Variants in SLC12A5 observed in about 807,000 individuals in gnomAD.
SLC12A5 encodes K-Cl cotransporter 2.
Under a neutral mutation model 124.0 loss-of-function variants are expected in SLC12A5, and 18 were observed. The ratio of observed to expected loss-of-function variants is 0.15; its 90% CI spans 0.10 to 0.22. The LOEUF is 0.22. Ranked by LOEUF, SLC12A5 falls within the 10% of genes least tolerant of loss-of-function variation. The pLI is 1.00. For synonymous variants in SLC12A5, 589 were observed against 568.0 expected (o/e 1.04, Z -0.53); for missense variants, 867 against 1,478.7 (o/e 0.59, Z 6.78).
rs764620289 is a variant in SLC12A5 at position 46,040,431 on chromosome 20, C to T, written c.671C>T (p.Ala224Val). 1 of 1,614,274 alleles carries T rather than the reference C, an allele frequency of 6.2e-7. No individual in the cohort carries two copies. The highest frequency in any genetic ancestry group is 1.1e-5 in the South Asian group (1 of 91,092). Residue 224 changes from alanine (A) to valine (V), a missense_variant, in exon 7 of 26, where the codon GCA (alanine) becomes GTA (valine). Coordinates refer to ENST00000243964, the MANE Select transcript of SLC12A5 (RefSeq NM_020708.5). ...GCAGAAGATGCCAGTGGGGAGGCAG[C>T]AGCCATGCTGAACAACATGCGTGTT... ...FKAEDASGEA[A>V]AMLNNMRVYG...
rs1199339536 is a variant in SLC12A5, at chr20:46,049,728, G to A, written c.2119G>A (p.Val707Met). Reference sequence around the variant, plus strand: ...GAAGGCGGGGAAGGGCCTGACCATCGTGGGCTCTGTCCTTGAGGGCACCTT... The same window carrying A: ...GAAGGCGGGGAAGGGCCTGACCATCATGGGCTCTGTCCTTGAGGGCACCTT... ...QLKAGKGLTI[V>M]GSVLEGTFLE... Residue 707 changes from valine to methionine, a missense_variant, in exon 17 of 26, where the codon GTG becomes ATG. Val to Met is a conservative substitution (Grantham distance 21). Around this residue, in one of 9 missense-constraint regions of SLC12A5, gnomAD observed 6 missense variants for 25.3 expected, o/e 0.24. Coordinates refer to ENST00000243964, the MANE Select transcript of SLC12A5 (RefSeq NM_020708.5). The A allele has an allele frequency of 2.5e-6, 4 of 1,604,234 alleles. No homozygotes were observed. The highest frequency in any genetic ancestry group is 1.1e-5 in the South Asian group (1 of 88,486).
At position 46,045,839 on chromosome 20, in the gene SLC12A5, C is replaced by G; in HGVS notation, c.1570-39C>G. 1 of 1,561,068 alleles carries G rather than the reference C, an allele frequency of 6.4e-7. No homozygotes were observed. Among genetic ancestry groups the G allele is most frequent in the Non-Finnish European group, 8.8e-7 (1 of 1,133,142 alleles). ...GGCTAGGGGAGAGGGCTGAGAAATC[C>G]TTGAGGTCTCAGTCCCATGATGATT... On this transcript the variant is annotated intron_variant, in intron 12 of 25. Transcript: ENST00000243964. This position sits in a 1 kb window ranked among gnomAD's most constrained non-coding sequence, Gnocchi z 4.9.
At chr20:46,028,678 G>A (rs995128176), upstream of SLC12A5, among the ~76,000 whole-genome samples, 2 of 152,074 alleles carry the variant, frequency 1.3e-5, no homozygotes, top group African/African-American at 4.8e-5. Flanking sequence ...AAGAGGGTCT[G>A]GTTCTCCTCC....
upstream of SLC12A5, among the ~76,000 whole-genome samples, chr20:46,027,309 C>G (rs1600584569): frequency 2.0e-5 from 3 of 152,292 alleles, no homozygotes; most frequent in South Asian, 6.2e-4. Context: ...ATCCAAAAAA[C>G]CAAGTGGCAG....
chr20:46,051,887 C>T lies in SLC12A5; in HGVS notation c.2377+17C>T. 1.1e-5 allele frequency: 5 copies of T among 473,158 alleles called. No individual in the cohort carries two copies. The highest frequency in any genetic ancestry group is 1.3e-5 in the Non-Finnish European group (4 of 300,208). 29.3% of individuals were successfully genotyped at this position (473,158 alleles called of 1,614,324 possible). On this transcript the variant is annotated intron_variant, in intron 18 of 25. Transcript: ENST00000243964. ...ACTTCATTGGTAACGCTATTGGGGGCTGGGGACAGAAGAGGGGTGGGGCTG... is the reference window on the plus strand; with the variant it reads ...ACTTCATTGGTAACGCTATTGGGGGTTGGGGACAGAAGAGGGGTGGGGCTG...
Position 46,056,935 on chromosome 20 carries a change from TTCTC to T in SLC12A5, c.3125+29_3125+32del. On this transcript the variant is annotated intron_variant, in intron 24 of 25. Coordinates refer to ENST00000243964, the MANE Select transcript of SLC12A5 (RefSeq NM_020708.5). This position sits in a 1 kb window ranked among gnomAD's most constrained non-coding sequence, Gnocchi z 4.3. Reference sequence around the variant, plus strand: ...TTGTAAGTGCTTCAGCATTTTTTCATTCTCTCTCCTAGGATGGCCAGGGTCCCTA... The same window carrying T: ...TTGTAAGTGCTTCAGCATTTTTTCATTCTCCTAGGATGGCCAGGGTCCCTA... The T allele has an allele frequency of 1.9e-6, 3 of 1,614,018 alleles. No individual in the cohort carries two copies. The highest frequency in any genetic ancestry group is 2.5e-6 in the Non-Finnish European group (3 of 1,179,970).
At chr20:46,031,576 AAAG>A (rs1206993622) in intron 1 of SLC12A5, among the ~76,000 whole-genome samples, 2 of 152,164 alleles carry the variant, frequency 1.3e-5, no homozygotes, top group Non-Finnish European at 2.9e-5. Context: ...CTTCTGGACT[AAAG>A]AAGAGCCCAG....
rs770170831 is a variant in SLC12A5 at position 46,043,184 on chromosome 20, C to G, written c.1098C>G (p.Gly366=). 14 of 1,613,734 alleles carry G rather than the reference C, an allele frequency of 8.7e-6. No individual in the cohort carries two copies. The highest frequency in any genetic ancestry group is 1.2e-5 in the Non-Finnish European group (14 of 1,179,936). The change falls in exon 9 of 26, where the codon GGC becomes GGG. Residue 366 remains glycine, a synonymous_variant. Coordinates refer to ENST00000243964, the MANE Select transcript of SLC12A5 (RefSeq NM_020708.5). ...TCTGGAGCTCCTACCTGACCAAGGG[C>G]GTGATTGTGGAGAGGAGTGGGATGA... is the stretch of plus-strand genomic sequence containing the variant. The part of the protein sequence containing the change: ...ENLWSSYLTK[G]VIVERSGMTS...
downstream of SLC12A5, chr20:46,023,736 T>C (rs375447570): frequency 1.7e-5 from 5 of 290,816 alleles, no homozygotes; most frequent in South Asian, 1.6e-4. Context: ...GCCCACCCAC[T>C]GCACCCTTAG....
intron 15 of SLC12A5, among the ~76,000 whole-genome samples, 172 bp downstream of exon 15, chr20:46,047,745 G>A (rs911221041): frequency 2.0e-5 from 3 of 152,108 alleles, no homozygotes; most frequent in Non-Finnish European, 4.4e-5. Context: ...TTGGAAGATG[G>A]GGGGTGGGAG....
chr20:46,022,045 A>C, intron 1 of SLC12A5: 50 of 729,324 alleles, frequency 6.9e-5, no homozygotes, highest in East Asian at 3.9e-4. Context: ...TAGGAAACCA[A>C]GGGGCCGGGG....
chr20:46,028,717 T>C (rs1437927758), upstream of SLC12A5, among the ~76,000 whole-genome samples: 1 of 152,144 alleles, frequency 6.6e-6, no homozygotes, highest in Admixed American at 6.5e-5. Flanking sequence ...TCTCCAGTCT[T>C]GCAGAGAGGC....
At position 46,041,448 on chromosome 20, in the gene SLC12A5, G is replaced by T. The variant is rs751583991; in HGVS notation, c.974G>T (p.Arg325Leu). The T allele has an allele frequency of 6.2e-7, 1 of 1,614,066 alleles. No homozygotes were observed. The highest frequency in any genetic ancestry group is 1.3e-5 in the African/African-American group (1 of 75,008). Residue 325 changes from arginine to leucine, a missense_variant, in exon 8 of 26, where the codon CGC (arginine) becomes CTC (leucine). Around this residue, in one of 9 missense-constraint regions of SLC12A5, gnomAD observed 127 missense variants for 164.1 expected, o/e 0.77. Transcript: ENST00000243964. The stretch of plus-strand genomic sequence containing the variant: ...CTATGGGGCCTTTTCTGCTCCTCTC[G>T]CTTCCTCAACGCCACCTGTGATGAA... Reference protein sequence around the residue: ...TRLWGLFCSSRFLNATCDEYF... With the variant: ...TRLWGLFCSSLFLNATCDEYF...
At chr20:46,022,728 G>T (rs150611127) in intron 1 of SLC12A5, 68 of 398,250 alleles carry the variant, frequency 1.7e-4, no homozygotes, top group African/African-American at 1.3e-3. Flanking sequence ...CGTCTTCCTC[G>T]CGGGCCCTGT....
At chr20:46,046,082 C>T (rs905277620) in intron 13 of SLC12A5, 86 bp downstream of exon 13, 2 of 1,308,080 alleles carry the variant, frequency 1.5e-6, no homozygotes, top group Admixed American at 1.7e-5. Context: ...ACAACCCACC[C>T]AGACACTTTA....
chr20:46,041,230 C>T, intron 7 of SLC12A5, 99 bp from the exon 8 acceptor site: 1 of 976,628 alleles, frequency 1.0e-6, no homozygotes, highest in Non-Finnish European at 1.6e-6. Flanking sequence ...ATATGGGGAC[C>T]TGGCGTCCGT....
chr20:46,057,207 C>A lies in SLC12A5; in HGVS notation c.3163C>A (p.Arg1055=), dbSNP rs2084704107. The A allele has an allele frequency of 2.5e-6, 4 of 1,614,222 alleles. No homozygotes were observed. The highest frequency in any genetic ancestry group is 2.2e-5 in the East Asian group (1 of 44,878). Residue 1055 remains arginine, a synonymous_variant, in exon 25 of 26, where the codon CGG becomes AGG. Coordinates refer to ENST00000243964, the MANE Select transcript of SLC12A5 (RefSeq NM_020708.5). The surrounding 1 kb of genome is among the most constrained non-coding windows in gnomAD (Gnocchi z 7.1). ...SNVRRMHTAV[R]LNEVIVKKSR... ...CGTGCGGCGCATGCACACGGCCGTG[C>A]GGCTGAACGAGGTCATCGTGAAGAA...
chr20:46,044,756 C>T, intron 11 of SLC12A5: 3 of 600,622 alleles, frequency 5.0e-6, no homozygotes, highest in Non-Finnish European at 8.7e-6. Flanking sequence ...GGAGACAGGC[C>T]TAGAGGCCTG....
chr20:46,026,889 C>T (rs1001783741), upstream of SLC12A5, among the ~76,000 whole-genome samples: 3 of 152,146 alleles, frequency 2.0e-5, no homozygotes, highest in Admixed American at 2.0e-4. Flanking sequence ...ACCCGTACTC[C>T]CTAGAATCTA....
Sources: allele counts gnomAD v4.1 joint callset (sites outside exome capture counted in the v4.1 genomes callset), GRCh38; gene constraint gnomAD v4.1.1; regional missense constraint gnomAD v4.1.1; non-coding constraint Gnocchi (gnomAD v3.1); transcripts MANE v1.5; gene names NCBI Gene and HGNC (gene_info 2026-07-23, HGNC 2026-07-21).